Variants in IGSF21 observed in about 807,000 individuals in gnomAD.
IGSF21 encodes the protein immunoglobin superfamily member 21.
IGSF21 carries 28 observed loss-of-function variants against 46.8 expected under a neutral mutation model. The observed-to-expected ratio is 0.60, with a 90% CI of 0.44 to 0.82. The LOEUF (loss-of-function observed/expected upper bound fraction) is 0.82. IGSF21 is among the 40% of genes least tolerant of loss of function. The pLI is 0.00. For missense variants in IGSF21, 624 were observed against 665.5 expected (o/e 0.94, Z 0.69); for synonymous variants, 284 against 273.6 (o/e 1.04, Z -0.38).
At chr1:18,207,714 G>C (rs1485866071) in intron 1 of IGSF21, among the ~76,000 whole-genome samples, 1 of 152,214 alleles carries the variant, frequency 6.6e-6, no homozygotes, top group Non-Finnish European at 1.5e-5. Context: ...ATGCAAGGGA[G>C]CTCAGTGCTA....
rs1553166382 is a variant in IGSF21 at position 18,359,508 on chromosome 1, G to GAAGA, written c.425-2604_425-2603insAAAG. On this transcript the variant is annotated intron_variant, in intron 4 of 9. Coordinates refer to ENST00000251296, the MANE Select transcript of IGSF21 (RefSeq NM_032880.5). ...GGAAGGAAGGAAGGAAGGAAGGAAG[G>GAAGA]AAGGAAAAGCAATCCTCTCCTCTCA... 3.4e-4 allele frequency among the ~76,000 whole-genome samples: 22 copies of GAAGA among 64,136 alleles called. 1 individual carries two copies. The highest frequency in any genetic ancestry group is 1.6e-3 in the African/African-American group (21 of 13,528). 42.1% of individuals were successfully genotyped at this position (64,136 alleles called of 152,430 possible). A position where few individuals can be genotyped will look rare whatever the true frequency, so the allele number is the denominator to read the frequency against.
chr1:18,214,645 G>A (rs2084424599), intron 1 of IGSF21, among the ~76,000 whole-genome samples: 1 of 152,194 alleles, frequency 6.6e-6, no homozygotes, highest in Admixed American at 6.5e-5. Flanking sequence ...TTACAGTCAT[G>A]GAGGAAGGTG....
intron 1 of IGSF21, among the ~76,000 whole-genome samples, chr1:18,218,833 A>G (rs973008871): frequency 6.6e-6 from 1 of 152,236 alleles, no homozygotes; most frequent in Non-Finnish European, 1.5e-5. Context: ...AAGTTATCAA[A>G]AACAGTCTTG....
At chr1:18,110,610 G>A (rs1273050079) in intron 1 of IGSF21, 2 of 152,326 alleles carry the variant, frequency 1.3e-5, no homozygotes, top group African/African-American at 4.8e-5. Flanking sequence ...CTAGAGAGTC[G>A]GGTCTGGCAG....
At chr1:18,201,411 T>C (rs2087073108) in intron 1 of IGSF21, among the ~76,000 whole-genome samples, 1 of 152,254 alleles carries the variant, frequency 6.6e-6, no homozygotes, top group South Asian at 2.1e-4. Flanking sequence ...AGCAAACACA[T>C]TTCAAAGTTT....
intron 2 of IGSF21, among the ~76,000 whole-genome samples, chr1:18,285,997 T>C (rs935444820): frequency 1.3e-5 from 2 of 152,178 alleles, no homozygotes; most frequent in Non-Finnish European, 2.9e-5. Flanking sequence ...CAGGGAGGCA[T>C]GATCCTTCCC....
intron 1 of IGSF21, among the ~76,000 whole-genome samples, chr1:18,146,721 C>G (rs977263443): frequency 6.6e-6 from 1 of 152,164 alleles, no homozygotes; most frequent in Non-Finnish European, 1.5e-5. Flanking sequence ...AGACCAGAAT[C>G]AGTTCTGACG....
intron 4 of IGSF21, chr1:18,361,779 G>C (rs1231079685): frequency 1.9e-5 from 4 of 214,462 alleles, no homozygotes; most frequent in Non-Finnish European, 3.7e-5. Context: ...AGCAGCGTCT[G>C]CCCAGAACTC....
intron 1 of IGSF21, among the ~76,000 whole-genome samples, chr1:18,176,669 C>T (rs2086801229): frequency 6.6e-6 from 1 of 152,188 alleles, no homozygotes. Context: ...CTTCTTCCCA[C>T]CATGGAAGAC....
chr1:18,285,163 G>C (rs1557624849), intron 2 of IGSF21, among the ~76,000 whole-genome samples: 3 of 149,856 alleles, frequency 2.0e-5, no homozygotes, highest in Non-Finnish European at 4.4e-5. Context: ...TTGGGAAGGT[G>C]GGGGGAGGTG....
At chr1:18,276,345 A>C (rs1445121633) in intron 2 of IGSF21, among the ~76,000 whole-genome samples, 1 of 152,174 alleles carries the variant, frequency 6.6e-6, no homozygotes, top group East Asian at 1.9e-4. Context: ...TGGCTCAGCA[A>C]GGTCCCCCTC....
At chr1:18,298,522 GTGGTGGGGAACAGC>G (rs2085332648) in intron 3 of IGSF21, among the ~76,000 whole-genome samples, 1 of 152,196 alleles carries the variant, frequency 6.6e-6, no homozygotes, top group Non-Finnish European at 1.5e-5. Flanking sequence ...AAAGCCACAG[GTGGTGGGGAACAGC>G]TGGGCGGGGC....
intron 1 of IGSF21, among the ~76,000 whole-genome samples, chr1:18,199,814 C>T (rs899161197): frequency 1.3e-5 from 2 of 152,020 alleles, no homozygotes; most frequent in African/African-American, 4.8e-5. Flanking sequence ...AAAGTTTTAT[C>T]GGGAGCTCAG....
chr1:18,236,509 C>T (rs2084674384), intron 2 of IGSF21, among the ~76,000 whole-genome samples: 1 of 152,180 alleles, frequency 6.6e-6, no homozygotes, highest in South Asian at 2.1e-4. Context: ...GCTGGGAGTG[C>T]CTCTAAGACA....
intron 1 of IGSF21, among the ~76,000 whole-genome samples, chr1:18,201,064 A>G (rs548732735): frequency 2.0e-5 from 3 of 152,334 alleles, no homozygotes; most frequent in African/African-American, 7.2e-5. Flanking sequence ...AAGTGAAAAT[A>G]GGAAGGCTCT....
At chr1:18,243,341 C>T (rs535983198) in intron 2 of IGSF21, among the ~76,000 whole-genome samples, 2 of 152,102 alleles carry the variant, frequency 1.3e-5, no homozygotes, top group African/African-American at 2.4e-5. Flanking sequence ...AAATCTAGGG[C>T]GTCTCTCCTA....
At chr1:18,285,976 C>T (rs191864541) in intron 2 of IGSF21, among the ~76,000 whole-genome samples, 6 of 152,316 alleles carry the variant, frequency 3.9e-5, no homozygotes, top group Admixed American at 1.3e-4. Flanking sequence ...AATTCTCACA[C>T]GTGTGCCTTA....
chr1:18,236,131 C>T (rs146577724), intron 2 of IGSF21, among the ~76,000 whole-genome samples: 26 of 152,140 alleles, frequency 1.7e-4, no homozygotes, highest in Middle Eastern at 3.4e-3. Flanking sequence ...TGTCCCCACC[C>T]AAATCTCAGT....
intron 1 of IGSF21, among the ~76,000 whole-genome samples, chr1:18,173,539 C>A (rs911657742): frequency 1.3e-5 from 2 of 152,156 alleles, no homozygotes; most frequent in Admixed American, 1.3e-4. Flanking sequence ...GCAGTTTGGT[C>A]TTTTCTAGAA....
Sources: allele counts gnomAD v4.1 joint callset (sites outside exome capture counted in the v4.1 genomes callset), GRCh38; gene constraint gnomAD v4.1.1; transcripts MANE v1.5; gene names NCBI Gene and HGNC (gene_info 2026-07-23, HGNC 2026-07-21).